The following CTNNA3 variants were observed in gnomAD, a reference collection of about 807,000 sequenced individuals.
CTNNA3 encodes catenin alpha-3.
CTNNA3 carries 76 observed loss-of-function variants against 95.7 expected under a neutral mutation model. The observed-to-expected ratio is 0.79, with a 90% CI of 0.66 to 0.96. The LOEUF (loss-of-function observed/expected upper bound fraction) is 0.96, where lower values mean the gene tolerates loss of function less well. Ranked by LOEUF, CTNNA3 falls within the 40% of genes least tolerant of loss-of-function variation. The probability of loss-of-function intolerance (pLI) is 0.00; values close to 1 mark genes in which losing one functional copy is unlikely to be tolerated. For synonymous variants in CTNNA3, 431 were observed against 374.4 expected (o/e 1.15, Z -1.74); for missense variants, 1,191 against 1,089.8 (o/e 1.09, Z -1.31).
chr10:66,468,552 A>T (rs1839011974), intron 11 of CTNNA3, among the ~76,000 whole-genome samples: 1 of 152,010 alleles, frequency 6.6e-6, no homozygotes, highest in Non-Finnish European at 1.5e-5. Flanking sequence ...AATGTGCAGC[A>T]TGGTGGCTAT....
At chr10:66,542,296 G>A (rs1841882371) in intron 10 of CTNNA3, among the ~76,000 whole-genome samples, 1 of 152,082 alleles carries the variant, frequency 6.6e-6, no homozygotes, top group Admixed American at 6.6e-5. Flanking sequence ...TGGTGGGACT[G>A]TAAACTAGTT....
At chr10:67,052,927 G>T (rs1855201493) in intron 7 of CTNNA3, among the ~76,000 whole-genome samples, 1 of 152,110 alleles carries the variant, frequency 6.6e-6, no homozygotes, top group East Asian at 1.9e-4. Flanking sequence ...TACTCATTTG[G>T]CTCACCTAAA....
intron 12 of CTNNA3, among the ~76,000 whole-genome samples, chr10:66,282,171 G>A (rs1424591429): frequency 2.0e-5 from 3 of 151,672 alleles, no homozygotes; most frequent in African/African-American, 7.2e-5. Flanking sequence ...TCAAATCACA[G>A]TCTCCCTTTC....
Position 67,539,574 on chromosome 10 carries a change from C to G in CTNNA3, c.388G>C (p.Ala130Pro), listed in dbSNP as rs1430719057. ...AVVQAARALL[A>P]AVTRLLILAD... is the part of the protein sequence containing the mutation. ...AGGATAAGGAGTCTCGTCACCGCAGCCAGCAAGGCACGGGCAGCTTGAACC... is the reference window on the plus strand; with the variant it reads ...AGGATAAGGAGTCTCGTCACCGCAGGCAGCAAGGCACGGGCAGCTTGAACC... The change falls in exon 4 of 18, where the codon GCT becomes CCT. Residue 130 changes from alanine (A) to proline (P), a missense_variant. Ala to Pro is a conservative substitution (Grantham distance 27). Coordinates refer to ENST00000433211, the MANE Select transcript of CTNNA3 (RefSeq NM_013266.4). 10 of 1,613,766 alleles carry G rather than the reference C, an allele frequency of 6.2e-6. No homozygotes were observed. Among genetic ancestry groups the G allele is most frequent in the Non-Finnish European group, 8.5e-6 (10 of 1,179,840 alleles).
intron 7 of CTNNA3, among the ~76,000 whole-genome samples, chr10:66,830,599 TTC>T (rs1010583665): frequency 1.2e-5 from 1 of 82,966 alleles, no homozygotes; most frequent in East Asian, 2.7e-4. Context: ...AACTACTAAT[TTC>T]TCTTTTTTTT....
At chr10:67,654,774 C>T (rs2133502572) in intron 1 of CTNNA3, among the ~76,000 whole-genome samples, 1 of 152,302 alleles carries the variant, frequency 6.6e-6, no homozygotes, top group East Asian at 1.9e-4. Context: ...GACAATATCT[C>T]TTCTCTTACT....
chr10:65,973,164 C>G (rs573110380), intron 16 of CTNNA3, among the ~76,000 whole-genome samples: 1 of 152,172 alleles, frequency 6.6e-6, no homozygotes, highest in Non-Finnish European at 1.5e-5. Context: ...AAGAATTAAA[C>G]TGGACCCCTA....
At chr10:66,125,322 T>G (rs1161549328) in intron 13 of CTNNA3, among the ~76,000 whole-genome samples, 1 of 152,144 alleles carries the variant, frequency 6.6e-6, no homozygotes, top group African/African-American at 2.4e-5. Context: ...AGCAATATTA[T>G]AAAGAGTTGA....
chr10:67,699,619 C>T (rs1841018120), upstream of CTNNA3, among the ~76,000 whole-genome samples: 1 of 152,162 alleles, frequency 6.6e-6, no homozygotes. Context: ...TACTAAGAAG[C>T]AGTTAAGAAA....
intron 11 of CTNNA3, among the ~76,000 whole-genome samples, chr10:66,492,250 G>T (rs566351422): frequency 1.3e-5 from 2 of 151,928 alleles, no homozygotes; most frequent in Non-Finnish European, 2.9e-5. Flanking sequence ...ATTATAGGAG[G>T]CCCAATTTCT....
chr10:66,346,232 TATATATATATATATAGAG>T (rs1412413365), intron 12 of CTNNA3, among the ~76,000 whole-genome samples: 2,358 of 60,804 alleles, frequency 0.039, 25 homozygotes, highest in Non-Finnish European at 0.053. Flanking sequence ...TATATATATA[TATATATATATATATAGAG>T]AGAGAGAGAG....
chr10:67,169,679 G>A (rs923999105), intron 7 of CTNNA3, among the ~76,000 whole-genome samples: 3 of 152,146 alleles, frequency 2.0e-5, no homozygotes, highest in Admixed American at 2.0e-4. Context: ...TAAAAACACT[G>A]GAAGAAAACC....
intron 1 of CTNNA3, among the ~76,000 whole-genome samples, chr10:67,680,881 G>A (rs553130905): frequency 6.6e-6 from 1 of 152,288 alleles, no homozygotes; most frequent in African/African-American, 2.4e-5. Context: ...AATATTAGCT[G>A]TGTATCAACC....
intron 1 of CTNNA3, among the ~76,000 whole-genome samples, chr10:67,690,225 C>T (rs1358301721): frequency 6.6e-6 from 1 of 152,054 alleles, no homozygotes; most frequent in African/African-American, 2.4e-5. Flanking sequence ...GTTTGTTCCT[C>T]CCAGTGGGTT....
intron 13 of CTNNA3, among the ~76,000 whole-genome samples, chr10:66,232,186 T>C (rs2089621712): frequency 6.6e-6 from 1 of 152,134 alleles, no homozygotes; most frequent in South Asian, 2.1e-4. Context: ...CCCCAGACAA[T>C]ATGCACCTAA....
At chr10:67,085,526 A>G (rs1794105476) in intron 7 of CTNNA3, among the ~76,000 whole-genome samples, 1 of 151,992 alleles carries the variant, frequency 6.6e-6, no homozygotes, top group African/African-American at 2.4e-5. Context: ...GTGTGCTCAT[A>G]AAATTTAGAA....
At chr10:66,527,295 G>C (rs1030732869) in intron 10 of CTNNA3, among the ~76,000 whole-genome samples, 1 of 152,098 alleles carries the variant, frequency 6.6e-6, no homozygotes. Context: ...GTATCACACT[G>C]ATTTGATTAT....
At chr10:67,574,874 C>A (rs749110161) in intron 3 of CTNNA3, among the ~76,000 whole-genome samples, 2 of 152,108 alleles carry the variant, frequency 1.3e-5, no homozygotes, top group Non-Finnish European at 2.9e-5. Flanking sequence ...AGCCACCAAG[C>A]CTGACCAAGG....
intron 9 of CTNNA3, among the ~76,000 whole-genome samples, chr10:66,712,867 C>T (rs1258219580): frequency 6.6e-6 from 1 of 152,166 alleles, no homozygotes; most frequent in Non-Finnish European, 1.5e-5. Flanking sequence ...AATGTGTCTA[C>T]ATGACAGTAA....
Sources: allele counts gnomAD v4.1 joint callset (sites outside exome capture counted in the v4.1 genomes callset), GRCh38; gene constraint gnomAD v4.1.1; transcripts MANE v1.5; gene names NCBI Gene and HGNC (gene_info 2026-07-23, HGNC 2026-07-21).